CEP63: variants seen among roughly 807,000 people sequenced by gnomAD.
The protein encoded by CEP63 is centrosomal protein 63, also known as centrosomal protein of 63 kDa.
CEP63 carries 84 observed loss-of-function variants against 89.1 expected under a neutral mutation model. That is an observed-to-expected ratio of 0.94 (90% CI 0.79 to 1.13). The LOEUF (loss-of-function observed/expected upper bound fraction) is 1.13. CEP63 is among the 50% of genes most tolerant of loss of function. The pLI, the probability that CEP63 is intolerant of heterozygous loss-of-function variation, is 0.00. For missense variants in CEP63, 838 were observed against 813.3 expected (o/e 1.03, Z -0.37); for synonymous variants, 267 against 272.5 (o/e 0.98, Z 0.20).
At chr3:134,638,496 C>T in the CEP63 span, among the ~76,000 whole-genome samples, 1 of 152,184 alleles carries the variant, frequency 6.6e-6, no homozygotes, top group Non-Finnish European at 1.5e-5. Flanking sequence ...TCTCATGCAT[C>T]CCTCCCCAGC....
At chr3:134,502,882 T>C (rs1942403482) in intron 2 of CEP63, among the ~76,000 whole-genome samples, 1 of 152,130 alleles carries the variant, frequency 6.6e-6, no homozygotes, top group East Asian at 1.9e-4. Context: ...TTACATTGTT[T>C]TAGGTTGTTA....
chr3:134,575,199 T>TCCC (rs1958172305), downstream of CEP63, among the ~76,000 whole-genome samples: 1 of 60,574 alleles, frequency 1.7e-5, no homozygotes, highest in African/African-American at 7.7e-5. Context: ...TCTTCCCTCT[T>TCCC]TCCCTCCCTC....
At chr3:134,701,377 T>TATACACACAC in the CEP63 span, among the ~76,000 whole-genome samples, 1 of 34,300 alleles carries the variant, frequency 2.9e-5, no homozygotes, top group African/African-American at 5.4e-5. Flanking sequence ...TACACACACA[T>TATACACACAC]ATATACGTAT....
chr3:134,743,422 C>A, the CEP63 span, among the ~76,000 whole-genome samples: 2 of 152,130 alleles, frequency 1.3e-5, no homozygotes, highest in African/African-American at 4.8e-5. Flanking sequence ...GGGCTCCTGA[C>A]AGGAGACAGA....
At position 134,561,683 on chromosome 3, in the gene CEP63, A is replaced by G. The variant is rs1261768257; in HGVS notation, c.*148A>G. ...TGGTGAAGAAAGCTGAAAAACTGATACTTTTGATAGGCATTTTCTCTGCAC... is the reference window on the plus strand; with the variant it reads ...TGGTGAAGAAAGCTGAAAAACTGATGCTTTTGATAGGCATTTTCTCTGCAC... On this transcript the variant is annotated 3_prime_UTR_variant, in exon 15 of 15. Coordinates refer to ENST00000675561, the MANE Select transcript of CEP63 (RefSeq NM_001353108.3). The G allele has an allele frequency of 6.8e-7, 1 of 1,462,972 alleles. No individual in the cohort carries two copies. 90.6% of individuals were successfully genotyped at this position (1,462,972 alleles called of 1,614,324 possible).
chr3:134,516,139 G>T (rs1229758231), intron 3 of CEP63, among the ~76,000 whole-genome samples: 1 of 152,182 alleles, frequency 6.6e-6, no homozygotes, highest in African/African-American at 2.4e-5. Flanking sequence ...CGGAGAGGGG[G>T]ATGTGGCAGG....
At chr3:134,608,411 A>G in the CEP63 span, 1 of 1,480,340 alleles carries the variant, frequency 6.8e-7, no homozygotes, top group South Asian at 1.2e-5. Context: ...GGTTTATGCT[A>G]GTGTGAGTGA....
chr3:134,741,628 CAT>C, the CEP63 span, among the ~76,000 whole-genome samples: 3 of 152,180 alleles, frequency 2.0e-5, no homozygotes, highest in Admixed American at 6.5e-5. Flanking sequence ...TCATTTTTAA[CAT>C]AGATTTAAAC....
intron 11 of CEP63, among the ~76,000 whole-genome samples, 186 bp from the exon 12 acceptor site, chr3:134,551,740 T>TACACACACACGTAC (rs1560022851): frequency 6.1e-5 from 7 of 114,428 alleles, no homozygotes; most frequent in East Asian, 3.1e-4. Flanking sequence ...TATATATATA[T>TACACACACACGTAC]ATATATATAT....
At chr3:134,678,098 C>T in the CEP63 span, among the ~76,000 whole-genome samples, 2 of 152,086 alleles carry the variant, frequency 1.3e-5, no homozygotes, top group Non-Finnish European at 2.9e-5. Context: ...GTGCTGGGCT[C>T]CCACCTGCTT....
the CEP63 span, among the ~76,000 whole-genome samples, chr3:134,622,606 G>A: frequency 9.2e-5 from 14 of 152,322 alleles, 1 homozygote; most frequent in African/African-American, 3.4e-4. Context: ...TGTTTTGGGT[G>A]ATGAGAATAC....
At position 134,561,801 on chromosome 3, in the gene CEP63, G is replaced by T; in HGVS notation, c.*266G>T. ...TCATACGAATATTTATTATCATAAA[G>T]TGATACTTACCTTGCTGACTTAAAT... On this transcript the variant is annotated 3_prime_UTR_variant, in exon 15 of 15. Transcript: ENST00000675561. The T allele has an allele frequency of 2.4e-6, 3 of 1,255,464 alleles. No individual in the cohort carries two copies. The South Asian group carries it at 5.2e-5, about 22-fold the overall frequency. 77.8% of individuals were successfully genotyped at this position (1,255,464 alleles called of 1,614,324 possible).
the CEP63 span, among the ~76,000 whole-genome samples, chr3:134,651,974 C>G: frequency 6.6e-6 from 1 of 152,166 alleles, no homozygotes; most frequent in African/African-American, 2.4e-5. Context: ...AATGCACCCC[C>G]ACATGGAGGC....
At chr3:134,766,021 G>C in the CEP63 span, among the ~76,000 whole-genome samples, 1 of 152,162 alleles carries the variant, frequency 6.6e-6, no homozygotes, top group South Asian at 2.1e-4. Context: ...AGCTGAGCCT[G>C]ACTCCTCATG....
the CEP63 span, among the ~76,000 whole-genome samples, chr3:134,739,206 T>C: frequency 6.6e-6 from 1 of 152,230 alleles, no homozygotes; most frequent in Non-Finnish European, 1.5e-5. Flanking sequence ...ATAGCAGTAT[T>C]ATTGATAGTG....
At chr3:134,683,330 C>T in the CEP63 span, among the ~76,000 whole-genome samples, 1 of 152,154 alleles carries the variant, frequency 6.6e-6, no homozygotes, top group African/African-American at 2.4e-5. Flanking sequence ...AGAGACTATT[C>T]ATAGAAGTAT....
At chr3:134,615,484 T>A in the CEP63 span, 1 of 151,882 alleles carries the variant, frequency 6.6e-6, no homozygotes, top group African/African-American at 2.4e-5. Flanking sequence ...ATTTTATTTT[T>A]GTTATTATTA....
rs924458062 is a variant in CEP63 at position 134,564,262 on chromosome 3, A to C, written c.*2727A>C. 9.1e-6 allele frequency: 9 copies of C among 985,278 alleles called. No individual in the cohort carries two copies. Among genetic ancestry groups the C allele is most frequent in the Non-Finnish European group, 1.1e-5 (9 of 829,956 alleles). The allele number at this position is 985,278 out of a possible 1,614,324, so 61.0% of individuals were successfully genotyped here. A position where few individuals can be genotyped will look rare whatever the true frequency, so the allele number is the denominator to read the frequency against. ...GAACCAATGGAAAATGCCATTCCTGAGGTGCACCACATCGTTTCTTTTGTG... is the reference window on the plus strand; with the variant it reads ...GAACCAATGGAAAATGCCATTCCTGCGGTGCACCACATCGTTTCTTTTGTG... On this transcript the variant is annotated 3_prime_UTR_variant, in exon 15 of 15. Coordinates refer to ENST00000675561, the MANE Select transcript of CEP63 (RefSeq NM_001353108.3).
chr3:134,489,128 T>G (rs1034560953), intron 1 of CEP63, among the ~76,000 whole-genome samples: 1 of 138,780 alleles, frequency 7.2e-6, no homozygotes, highest in Non-Finnish European at 1.5e-5. Context: ...GCCACTGCAC[T>G]CCAGCCTGGG....
Sources: gnomAD v4.1 joint callset for allele counts (sites outside exome capture counted in the v4.1 genomes callset) on GRCh38, gnomAD v4.1.1 for gene constraint, MANE v1.5 for transcripts, NCBI Gene and HGNC (gene_info 2026-07-23, HGNC 2026-07-21) for gene names.